Variants in DLGAP2 observed in about 807,000 individuals in gnomAD.
The protein encoded by DLGAP2 is disks large-associated protein 2.
DLGAP2 carries 26 observed loss-of-function variants against 100.3 expected under a neutral mutation model. The observed-to-expected ratio is 0.26, with a 90% CI of 0.19 to 0.36. The LOEUF is 0.36. Ranked by LOEUF, DLGAP2 falls within the 10% of genes least tolerant of loss-of-function variation. The pLI, the probability that DLGAP2 is intolerant of heterozygous loss-of-function variation, is 1.00. For missense variants in DLGAP2, 1,858 were observed against 1,453.2 expected (o/e 1.28, Z -4.53); for synonymous variants, 886 against 630.1 (o/e 1.41, Z -6.08).
At chr8:1,043,238 G>A (rs1665269305) in intron 2 of DLGAP2, among the ~76,000 whole-genome samples, 1 of 133,338 alleles carries the variant, frequency 7.5e-6, no homozygotes, top group East Asian at 2.2e-4. Context: ...TGTGGGTGGT[G>A]GGTGTGGGTG....
At position 1,278,969 on chromosome 8, in the gene DLGAP2, C is replaced by T. The variant is rs143673581; in HGVS notation, c.106+20086C>T. On this transcript the variant is annotated intron_variant, in intron 3 of 14. Transcript: ENST00000637795. ...GAGTAAAGTCACTTATGATTTCTTT[C>T]AGTTAAGGTGAGGATAAAGAACATA... Among the ~76,000 whole-genome samples the T allele has an allele frequency of 3.0e-3, 452 of 152,260 alleles. 2 individuals are homozygous for T. The highest frequency in any genetic ancestry group is 4.9e-3 in the Non-Finnish European group (330 of 68,014).
At chr8:1,300,115 A>T (rs1445231898) in intron 3 of DLGAP2, 1 of 152,222 alleles carries the variant, frequency 6.6e-6, no homozygotes, top group African/African-American at 2.4e-5. Flanking sequence ...AAACACAGCC[A>T]CACTGGGCAT....
At chr8:1,622,959 TC>T (rs1226753637) in intron 6 of DLGAP2, among the ~76,000 whole-genome samples, 1 of 152,086 alleles carries the variant, frequency 6.6e-6, no homozygotes, top group Non-Finnish European at 1.5e-5. Flanking sequence ...GGAGGGTGCA[TC>T]CCCCCATCTT....
At chr8:1,226,587 C>G (rs1448567471) in intron 2 of DLGAP2, among the ~76,000 whole-genome samples, 1 of 152,080 alleles carries the variant, frequency 6.6e-6, no homozygotes. Context: ...TGTAACAAAC[C>G]TGAATGTCGT....
At chr8:1,163,354 C>T (rs1039537735) in intron 2 of DLGAP2, among the ~76,000 whole-genome samples, 4 of 152,222 alleles carry the variant, frequency 2.6e-5, no homozygotes, top group African/African-American at 4.8e-5. Flanking sequence ...TGTCGTGTTC[C>T]CTTCGCCTCC....
At chr8:1,320,839 G>T (rs981024014) in intron 3 of DLGAP2, among the ~76,000 whole-genome samples, 1 of 152,152 alleles carries the variant, frequency 6.6e-6, no homozygotes, top group Admixed American at 6.5e-5. Flanking sequence ...GTCTGTGTGT[G>T]CACGTGTGTT....
intron 3 of DLGAP2, among the ~76,000 whole-genome samples, chr8:1,426,565 T>C (rs1399042795): frequency 2.0e-5 from 3 of 152,092 alleles, no homozygotes; most frequent in Non-Finnish European, 4.4e-5. Flanking sequence ...ACTGAAAGGG[T>C]TCTGCTGTTG....
chr8:1,204,516 C>A (rs1471355423), intron 2 of DLGAP2, among the ~76,000 whole-genome samples: 1 of 152,212 alleles, frequency 6.6e-6, no homozygotes, highest in Non-Finnish European at 1.5e-5. Context: ...GTTTTCACAC[C>A]TGGTGAAACT....
intron 3 of DLGAP2, among the ~76,000 whole-genome samples, chr8:1,288,086 A>AGTGT (rs1255759349): frequency 1.9e-5 from 2 of 105,502 alleles, no homozygotes; most frequent in African/African-American, 7.7e-5. Context: ...GTTTCGGTTC[A>AGTGT]GTGTGTGTGT....
At chr8:1,285,826 G>C (rs568838493) in intron 3 of DLGAP2, among the ~76,000 whole-genome samples, 3 of 152,078 alleles carry the variant, frequency 2.0e-5, no homozygotes, top group Non-Finnish European at 4.4e-5. Flanking sequence ...AAAATGAGCT[G>C]GGCGTAGTGG....
chr8:834,433 C>T (rs1315558297), intron 1 of DLGAP2, among the ~76,000 whole-genome samples: 2 of 152,244 alleles, frequency 1.3e-5, no homozygotes, highest in South Asian at 2.1e-4. Flanking sequence ...CATGCGCCTG[C>T]GTTCCTCAGT....
chr8:1,268,045 G>A (rs1799504399), intron 3 of DLGAP2, among the ~76,000 whole-genome samples: 3 of 152,120 alleles, frequency 2.0e-5, no homozygotes, highest in Non-Finnish European at 4.4e-5. Context: ...CATACCATCT[G>A]GTGTCTGAGA....
At chr8:1,095,487 T>C (rs185192873) in intron 2 of DLGAP2, among the ~76,000 whole-genome samples, 77 of 152,320 alleles carry the variant, frequency 5.1e-4, no homozygotes, top group African/African-American at 1.7e-3. Flanking sequence ...TTGGGTGAAG[T>C]GATTCAGAGT....
chr8:1,389,987 C>T (rs1796311599), intron 3 of DLGAP2, among the ~76,000 whole-genome samples: 1 of 152,130 alleles, frequency 6.6e-6, no homozygotes, highest in Admixed American at 6.5e-5. Context: ...CAACCGCAGG[C>T]TCTCGTCTGC....
At chr8:1,514,906 G>C (rs1001864071) in intron 4 of DLGAP2, among the ~76,000 whole-genome samples, 1 of 152,214 alleles carries the variant, frequency 6.6e-6, no homozygotes, top group African/African-American at 2.4e-5. Flanking sequence ...AGCCCCACGA[G>C]GGGAAGAGCC....
chr8:1,479,318 G>A (rs1278965915), intron 3 of DLGAP2, among the ~76,000 whole-genome samples: 1 of 152,256 alleles, frequency 6.6e-6, no homozygotes, highest in African/African-American at 2.4e-5. Context: ...GCGCAGGGAT[G>A]ATTAGCCGCC....
chr8:1,159,576 C>G (rs575612214), intron 2 of DLGAP2, among the ~76,000 whole-genome samples: 34 of 45,046 alleles, frequency 7.5e-4, no homozygotes, highest in African/African-American at 3.1e-3. Flanking sequence ...GCAGCACACT[C>G]TTCTGTGTAT....
intron 2 of DLGAP2, among the ~76,000 whole-genome samples, chr8:1,081,902 AC>A (rs1803823794): frequency 6.6e-6 from 1 of 152,008 alleles, no homozygotes; most frequent in Non-Finnish European, 1.5e-5. Context: ...GGCTGCTCCT[AC>A]CCCTGGCCAC....
At chr8:1,602,353 C>G (rs556626389) in intron 6 of DLGAP2, among the ~76,000 whole-genome samples, 1 of 152,304 alleles carries the variant, frequency 6.6e-6, no homozygotes, top group Admixed American at 6.5e-5. Context: ...GAAATGGGGT[C>G]TTTCTTTAAA....
Sources: gnomAD v4.1 joint callset for allele counts (sites outside exome capture counted in the v4.1 genomes callset) on GRCh38, gnomAD v4.1.1 for gene constraint, MANE v1.5 for transcripts, NCBI Gene and HGNC (gene_info 2026-07-23, HGNC 2026-07-21) for gene names.